The following DCUN1D5 variants were observed in gnomAD, a reference collection of about 807,000 sequenced individuals.
DCUN1D5 encodes the protein DCN1-like protein 5.
DCUN1D5 carries 10 observed loss-of-function variants against 38.3 expected under a neutral mutation model. That is an observed-to-expected ratio of 0.26 (90% CI 0.16 to 0.44). The LOEUF is 0.44. Ranked by LOEUF, DCUN1D5 falls within the 20% of genes least tolerant of loss-of-function variation. DCUN1D5 has a pLI of 1.00. For missense variants in DCUN1D5, 148 were observed against 275.3 expected (o/e 0.54, Z 3.27); for synonymous variants, 93 against 90.9 (o/e 1.02, Z -0.13).
Position 103,060,762 on chromosome 11 carries a change from C to T in DCUN1D5, c.*1597G>A, listed in dbSNP as rs1241615642. ...GGAATTTAACAAAAGTGGATATGTT[C>T]TTCAGTTCAGATGTGCCTTGAAGAG... On this transcript the variant is annotated 3_prime_UTR_variant, in exon 8 of 8. Transcript: ENST00000260247. 6.6e-6 allele frequency among the ~76,000 whole-genome samples: 1 copy of T among 152,080 alleles called. No individual in the cohort carries two copies. Among genetic ancestry groups the T allele is most frequent in the African/African-American group, 2.4e-5 (1 of 41,400 alleles).
rs1862791638 is a variant in DCUN1D5, at chr11:103,089,276, C to T, written c.129G>A (p.Glu43=). 2 of 1,612,734 alleles carry T rather than the reference C, an allele frequency of 1.2e-6. No homozygotes were observed. Among genetic ancestry groups the T allele is most frequent in the South Asian group, 2.2e-5 (2 of 90,966 alleles). Residue 43 remains glutamate, a synonymous_variant, in exon 2 of 8, where the codon GAG becomes GAA. Coordinates refer to ENST00000260247, the MANE Select transcript of DCUN1D5 (RefSeq NM_032299.4). ...GGCACTTCTTGCTTGAAAAATGTTC[C>T]TCTCCACTTATTAGTCTAGCAGGGG... The part of the protein sequence containing the change: ...SQPPARLISG[E]EHFSSKKCLA...
At position 103,051,743 on chromosome 11, in the gene DCUN1D5, G is replaced by A. The variant is rs1261935561; in HGVS notation, c.*10616C>T. The A allele has an allele frequency of 6.6e-6, 1 of 152,064 alleles. No individual in the cohort carries two copies. Among genetic ancestry groups the A allele is most frequent in the African/African-American group, 2.4e-5 (1 of 41,392 alleles). 9.4% of individuals were successfully genotyped at this position (152,064 alleles called of 1,614,324 possible). On this transcript the variant is annotated 3_prime_UTR_variant, in exon 8 of 8. Transcript: ENST00000260247. ...TCTACCTCACAGAAGAGGAAAAAGG[G>A]AGCTCAAGTTATCTTCTCAAGGTCA...
intron 4 of DCUN1D5, among the ~76,000 whole-genome samples, chr11:103,072,689 T>C (rs1862307345): frequency 7.1e-6 from 1 of 139,992 alleles, no homozygotes; most frequent in African/African-American, 2.7e-5. Flanking sequence ...ATGTTCTCAC[T>C]CATAGGTGGG....
rs1862438658 is a variant in DCUN1D5 at position 103,077,457 on chromosome 11, A to AT, written c.341+5290dup. ...TGGAAAGCAAGAGATAGTTTTCCAA[A>AT]TAACAACCAAATAAAACCACACAGA... On this transcript the variant is annotated intron_variant, in intron 4 of 7. Coordinates refer to ENST00000260247, the MANE Select transcript of DCUN1D5 (RefSeq NM_032299.4). This position sits in a 1 kb window ranked among gnomAD's most constrained non-coding sequence, Gnocchi z 4.3. Among the ~76,000 whole-genome samples, 1 of 152,248 alleles carries AT rather than the reference A, an allele frequency of 6.6e-6. No homozygotes were observed. The highest frequency in any genetic ancestry group is 1.5e-5 in the Non-Finnish European group (1 of 68,044).
Position 103,054,983 on chromosome 11 carries a change from C to T in DCUN1D5, c.*7376G>A, listed in dbSNP as rs1029946739. 3 of 151,944 alleles carry T rather than the reference C, an allele frequency of 2.0e-5. No individual in the cohort carries two copies. The highest frequency in any genetic ancestry group is 6.6e-5 in the Admixed American group (1 of 15,246). 9.4% of individuals were successfully genotyped at this position (151,944 alleles called of 1,614,324 possible). A position where few individuals can be genotyped will look rare whatever the true frequency, so the allele number is the denominator to read the frequency against. Reference sequence around the variant, plus strand: ...ATCTCTTATCCAAAATGCTTGGGACCGGAAGTGTTTTAGATTTCTTTTTTT... The same window carrying T: ...ATCTCTTATCCAAAATGCTTGGGACTGGAAGTGTTTTAGATTTCTTTTTTT... On this transcript the variant is annotated 3_prime_UTR_variant, in exon 8 of 8. Coordinates refer to ENST00000260247, the MANE Select transcript of DCUN1D5 (RefSeq NM_032299.4).
rs2134622951 is a variant in DCUN1D5, at chr11:103,077,546, A to G, written c.341+5202T>C. Among the ~76,000 whole-genome samples the G allele has an allele frequency of 6.6e-6, 1 of 152,374 alleles. No individual in the cohort carries two copies. Among genetic ancestry groups the G allele is most frequent in the East Asian group, 1.9e-4 (1 of 5,182 alleles). On this transcript the variant is annotated intron_variant, in intron 4 of 7. Transcript: ENST00000260247. The surrounding 1 kb of genome is among the most constrained non-coding windows in gnomAD (Gnocchi z 4.3). ...CAAGGCCACTGTAGTTAGAAAGAGA[A>G]GAAATGGGTATTAATTTCAACGTTA...
intron 4 of DCUN1D5, among the ~76,000 whole-genome samples, chr11:103,081,883 T>A (rs542320170): frequency 5.2e-4 from 79 of 151,760 alleles, no homozygotes; most frequent in Admixed American, 1.9e-3. Context: ...ACAAATACTT[T>A]AAAAAAAAAT....
Position 103,065,438 on chromosome 11 carries a change from T to C in DCUN1D5, c.555+831A>G, listed in dbSNP as rs915691229. On this transcript the variant is annotated intron_variant, in intron 6 of 7. Coordinates refer to ENST00000260247, the MANE Select transcript of DCUN1D5 (RefSeq NM_032299.4). The surrounding 1 kb of genome is among the most constrained non-coding windows in gnomAD (Gnocchi z 4.6). Reference sequence around the variant, plus strand: ...TCCCAACGTGCTGGGATTACAGGCGTGTGCCACCACGCCCAGCTGATATCA... The same window carrying C: ...TCCCAACGTGCTGGGATTACAGGCGCGTGCCACCACGCCCAGCTGATATCA... Among the ~76,000 whole-genome samples, 1 of 152,308 alleles carries C rather than the reference T, an allele frequency of 6.6e-6. No individual in the cohort carries two copies. Among genetic ancestry groups the C allele is most frequent in the South Asian group, 2.1e-4 (1 of 4,826 alleles).
Position 103,078,104 on chromosome 11 carries a change from T to A in DCUN1D5, c.341+4644A>T, listed in dbSNP as rs565931506. 1.3e-5 allele frequency among the ~76,000 whole-genome samples: 2 copies of A among 152,148 alleles called. No homozygotes were observed. Among genetic ancestry groups the A allele is most frequent in the South Asian group, 4.1e-4 (2 of 4,820 alleles). On this transcript the variant is annotated intron_variant, in intron 4 of 7. Transcript: ENST00000260247. This position sits in a 1 kb window ranked among gnomAD's most constrained non-coding sequence, Gnocchi z 4.6. ...TTACACTTCAAAGTCCGGGGCTCAA[T>A]AGAGACTAGATTTACAAACTGCAAC...
At chr11:103,080,794 G>C (rs930035214) in intron 4 of DCUN1D5, among the ~76,000 whole-genome samples, 5 of 152,144 alleles carry the variant, frequency 3.3e-5, no homozygotes, top group African/African-American at 9.7e-5. Context: ...GGATCACAAG[G>C]TCAGGAGATT....
Position 103,056,871 on chromosome 11 carries a change from G to A in DCUN1D5, c.*5488C>T, listed in dbSNP as rs531827226. ...CCACTTCTTGTTCAAGTAACAAGACGCATTCATTTAACACCTACTAAGTGC... is the reference window on the plus strand; with the variant it reads ...CCACTTCTTGTTCAAGTAACAAGACACATTCATTTAACACCTACTAAGTGC... On this transcript the variant is annotated 3_prime_UTR_variant, in exon 8 of 8. Transcript: ENST00000260247. This position sits in a 1 kb window ranked among gnomAD's most constrained non-coding sequence, Gnocchi z 4.9. Among the ~76,000 whole-genome samples, 144 of 152,202 alleles carry A rather than the reference G, an allele frequency of 9.5e-4. 2 individuals are homozygous for A. In the South Asian group the frequency reaches 0.016, roughly 17 times the overall value.
Position 103,062,756 on chromosome 11 carries a change from T to G in DCUN1D5, c.659-342A>C, listed in dbSNP as rs1862044310. Among the ~76,000 whole-genome samples, 1 of 152,076 alleles carries G rather than the reference T, an allele frequency of 6.6e-6. No individual in the cohort carries two copies. Among genetic ancestry groups the G allele is most frequent in the Non-Finnish European group, 1.5e-5 (1 of 67,960 alleles). On this transcript the variant is annotated intron_variant, in intron 7 of 7. Transcript: ENST00000260247. The surrounding 1 kb of genome is among the most constrained non-coding windows in gnomAD (Gnocchi z 4.6). ...AATCTGAAAAGTGTTGAAGGTAATA[T>G]TTCTATGTTGCCTCCCCAAGAAGTG...
rs755951789 is a variant in DCUN1D5, at chr11:103,091,648, G to T, written c.86+139C>A. 4 of 1,526,634 alleles carry T rather than the reference G, an allele frequency of 2.6e-6. No homozygotes were observed. The highest frequency in any genetic ancestry group is 1.9e-4 in the Middle Eastern group (1 of 5,294). The allele number at this position is 1,526,634 out of a possible 1,614,324, so 94.6% of individuals were successfully genotyped here. On this transcript the variant is annotated intron_variant, in intron 1 of 7. Coordinates refer to ENST00000260247, the MANE Select transcript of DCUN1D5 (RefSeq NM_032299.4). This position sits in a 1 kb window ranked among gnomAD's most constrained non-coding sequence, Gnocchi z 4.3. ...TCGGGCGCGGAGACTCGCGGTGTTC[G>T]GCACCTACAGCCTAGCTCGATCAAA...
Position 103,067,744 on chromosome 11 carries a change from A to C in DCUN1D5, c.342-1177T>G, listed in dbSNP as rs542967538. ...AACCTTGCATTTCTAGAATAAGTCA[A>C]ATTTGGTCATGTTATCTGTTTTATA... is the stretch of plus-strand genomic sequence containing the variant. On this transcript the variant is annotated intron_variant, in intron 4 of 7. Coordinates refer to ENST00000260247, the MANE Select transcript of DCUN1D5 (RefSeq NM_032299.4). 4.7e-4 allele frequency among the ~76,000 whole-genome samples: 72 copies of C among 152,298 alleles called. 3 individuals are homozygous for C. In the South Asian group the frequency reaches 0.012, roughly 25 times the overall value.
In DCUN1D5 at chr11:103,073,544, A is replaced by G. The variant is rs118091560; in HGVS notation, c.342-6977T>C. Among the ~76,000 whole-genome samples, 5 of 152,372 alleles carry G rather than the reference A, an allele frequency of 3.3e-5. No individual in the cohort carries two copies. The East Asian group carries it at 9.6e-4, about 29-fold the overall frequency. On this transcript the variant is annotated intron_variant, in intron 4 of 7. Transcript: ENST00000260247. The surrounding 1 kb of genome is among the most constrained non-coding windows in gnomAD (Gnocchi z 4.2). ...TCTTAGTATTTAGCCACAGTAATCC[A>G]GACTGTGTGGTACTGGCAGAAGGTT...
At chr11:103,068,791 C>T (rs1328427468) in intron 4 of DCUN1D5, among the ~76,000 whole-genome samples, 1 of 151,412 alleles carries the variant, frequency 6.6e-6, no homozygotes, top group East Asian at 1.9e-4. Context: ...TCTGACACTA[C>T]TTTACCTATG....
rs1861821923 is a variant in DCUN1D5, at chr11:103,054,396, T to C, written c.*7963A>G. ...CCAATTCCCTGACCGTTTTCTTATT[T>C]TTCTCTCTCTCATTATTCACATGTT... On this transcript the variant is annotated 3_prime_UTR_variant, in exon 8 of 8. Transcript: ENST00000260247. 1 of 152,154 alleles carries C rather than the reference T, an allele frequency of 6.6e-6. No individual in the cohort carries two copies. Among genetic ancestry groups the C allele is most frequent in the African/African-American group, 2.4e-5 (1 of 41,460 alleles). 9.4% of individuals were successfully genotyped at this position (152,154 alleles called of 1,614,324 possible).
rs750360222 is a variant in DCUN1D5, at chr11:103,091,856, T to C, written c.17A>G (p.Lys6Arg). 1 of 1,613,702 alleles carries C rather than the reference T, an allele frequency of 6.2e-7. No homozygotes were observed. The highest frequency in any genetic ancestry group is 1.1e-5 in the South Asian group (1 of 91,066). ...TGCTGCCACCCCAGGGGATTTTCTC[T>C]TCTTCTTCACCGGCATCTTCCGCCC... MPVKK[K>R]RKSPGVAAAV... Residue 6 changes from lysine to arginine, a missense_variant, in exon 1 of 8, where the codon AAG becomes AGG. Transcript: ENST00000260247. The surrounding 1 kb of genome is among the most constrained non-coding windows in gnomAD (Gnocchi z 4.3).
rs1404887539 is a variant in DCUN1D5, at chr11:103,061,233, T to C, written c.*1126A>G. ...TGGAAAAATAACCTCTTTACTTCTC[T>C]CTACTCAAACAATGACACTAGAAAT... is the stretch of plus-strand genomic sequence containing the variant. On this transcript the variant is annotated 3_prime_UTR_variant, in exon 8 of 8. Transcript: ENST00000260247. Among the ~76,000 whole-genome samples, 1 of 152,184 alleles carries C rather than the reference T, an allele frequency of 6.6e-6. No homozygotes were observed. The highest frequency in any genetic ancestry group is 1.5e-5 in the Non-Finnish European group (1 of 68,020).
Sources: allele counts gnomAD v4.1 joint callset (sites outside exome capture counted in the v4.1 genomes callset), GRCh38; gene constraint gnomAD v4.1.1; non-coding constraint Gnocchi (gnomAD v3.1); transcripts MANE v1.5; gene names NCBI Gene and HGNC (gene_info 2026-07-23, HGNC 2026-07-21).